The following GLT1D1 variants were observed in gnomAD, a reference collection of about 807,000 sequenced individuals.
GLT1D1 encodes the protein glycosyltransferase 1 domain containing 1.
GLT1D1 carries 21 observed loss-of-function variants against 28.7 expected under a neutral mutation model. That is an observed-to-expected ratio of 0.73 (90% CI 0.52 to 1.05). GLT1D1 has a LOEUF of 1.05. GLT1D1 is among the 50% of genes least tolerant of loss of function. The probability of loss-of-function intolerance (pLI) is 0.00; values close to 1 mark genes in which losing one functional copy is unlikely to be tolerated. For synonymous variants in GLT1D1, 147 were observed against 124.8 expected, an observed-to-expected ratio of 1.18 and a Z score of -1.19; for missense variants, 343 against 330.6, an observed-to-expected ratio of 1.04 and a Z score of -0.29.
chr12:128,930,007 C>A lies in GLT1D1; in HGVS notation c.376-15319C>A, dbSNP rs111889880. ...AACAAACAAATAAAAACATCAAGGG[C>A]TAGAATCTGTGTGACCACATTGAAT... On this transcript the variant is annotated intron_variant, in intron 4 of 7. Coordinates refer to ENST00000281703, the MANE Select transcript of GLT1D1 (RefSeq NM_144669.3). 5.0e-3 allele frequency among the ~76,000 whole-genome samples: 757 copies of A among 152,170 alleles called. 3 individuals are homozygous for A. Among genetic ancestry groups the A allele is most frequent in the African/African-American group, 0.017 (712 of 41,506 alleles).
intron 2 of GLT1D1, among the ~76,000 whole-genome samples, chr12:128,888,282 C>G (rs1868624445): frequency 6.6e-6 from 1 of 152,094 alleles, no homozygotes; most frequent in Non-Finnish European, 1.5e-5. Flanking sequence ...TTGGAGAGCC[C>G]TTTTTTTGTC....
intron 7 of GLT1D1, among the ~76,000 whole-genome samples, chr12:128,969,615 C>T (rs1278378633): frequency 6.6e-6 from 1 of 152,206 alleles, no homozygotes; most frequent in Non-Finnish European, 1.5e-5. Context: ...TGGGCCATCA[C>T]CAAGGTGCGG....
At chr12:128,891,688 T>C (rs1869074482) in intron 3 of GLT1D1, among the ~76,000 whole-genome samples, 1 of 152,114 alleles carries the variant, frequency 6.6e-6, no homozygotes, top group Admixed American at 6.6e-5. Context: ...TTTGGTAATG[T>C]AGGTGTCAGT....
At chr12:128,878,187 T>C (rs1322050753) in intron 2 of GLT1D1, among the ~76,000 whole-genome samples, 1 of 152,246 alleles carries the variant, frequency 6.6e-6, no homozygotes, top group East Asian at 1.9e-4. Context: ...TGTACACCCA[T>C]GCATGTATTT....
intron 4 of GLT1D1, among the ~76,000 whole-genome samples, chr12:128,904,697 G>A (rs903687571): frequency 6.8e-6 from 1 of 146,316 alleles, no homozygotes; most frequent in Non-Finnish European, 1.5e-5. Context: ...GCAGTAGTGC[G>A]ATCTCGGCTC....
rs760160532 is a variant in GLT1D1, at chr12:128,957,575, AG to A, written c.573del (p.Asn192ThrfsTer9). Reference sequence around the variant, plus strand: ...GGATTTAGAAGTACCGGTATTGGCCAGGAACATCCCCGGGAATGCTGCCGTG... The same window carrying A: ...GGATTTAGAAGTACCGGTATTGGCCAGAACATCCCCGGGAATGCTGCCGTG... On this transcript the variant is annotated frameshift_variant, in exon 7 of 8. Coordinates refer to ENST00000281703, the MANE Select transcript of GLT1D1 (RefSeq NM_144669.3). LOFTEE classifies it high-confidence loss of function. 99 of 1,613,736 alleles carry A rather than the reference AG, an allele frequency of 6.1e-5. No homozygotes were observed. The highest frequency in any genetic ancestry group is 1.6e-4 in the Middle Eastern group (1 of 6,082).
chr12:128,895,602 A>T (rs1279362593), intron 3 of GLT1D1, among the ~76,000 whole-genome samples: 1 of 151,950 alleles, frequency 6.6e-6, no homozygotes, highest in Non-Finnish European at 1.5e-5. Flanking sequence ...GATTACAGGC[A>T]TGCACCACCA....
At chr12:128,976,200 TG>T (rs1879746284) in intron 7 of GLT1D1, among the ~76,000 whole-genome samples, 1 of 152,196 alleles carries the variant, frequency 6.6e-6, no homozygotes, top group African/African-American at 2.4e-5. Context: ...AAATAATTTT[TG>T]GAAAATGAGG....
chr12:128,911,831 G>A (rs1028076677), intron 4 of GLT1D1, among the ~76,000 whole-genome samples: 9 of 151,992 alleles, frequency 5.9e-5, no homozygotes, highest in Non-Finnish European at 1.3e-4. Flanking sequence ...TGCAAGGGCC[G>A]CCTTTTGCTT....
rs73153403 is a variant in GLT1D1 at position 128,861,810 on chromosome 12, C to T, written c.68+8161C>T. Reference sequence around the variant, plus strand: ...AAGGCAGTACTTTCCCTTCCAGGCCCGGCTACTTTCTGGCCGCATCATTCT... The same window carrying T: ...AAGGCAGTACTTTCCCTTCCAGGCCTGGCTACTTTCTGGCCGCATCATTCT... On this transcript the variant is annotated intron_variant, in intron 1 of 7. Coordinates refer to ENST00000281703, the MANE Select transcript of GLT1D1 (RefSeq NM_144669.3). Among the ~76,000 whole-genome samples the T allele has an allele frequency of 1.6e-3, 241 of 152,176 alleles. 1 individual carries two copies. Among genetic ancestry groups the T allele is most frequent in the Middle Eastern group, 6.8e-3 (2 of 294 alleles).
chr12:128,894,692 A>G (rs1462293237), intron 3 of GLT1D1, among the ~76,000 whole-genome samples: 2 of 150,670 alleles, frequency 1.3e-5, no homozygotes, highest in South Asian at 2.1e-4. Flanking sequence ...AAAAATACAG[A>G]AAAAAAAATT....
intron 4 of GLT1D1, among the ~76,000 whole-genome samples, chr12:128,908,382 CTCTT>C (rs1204621596): frequency 2.4e-5 from 1 of 40,964 alleles, no homozygotes; most frequent in African/African-American, 7.8e-5. Context: ...TCTTTTCTTT[CTCTT>C]TCTTTCTCTC....
chr12:128,940,359 C>T (rs1262451171), intron 4 of GLT1D1, among the ~76,000 whole-genome samples: 1 of 152,176 alleles, frequency 6.6e-6, no homozygotes, highest in Non-Finnish European at 1.5e-5. Flanking sequence ...CTCAGCGCTT[C>T]ATGTCTTCTC....
At chr12:128,946,386 G>A (rs534113782) in intron 5 of GLT1D1, among the ~76,000 whole-genome samples, 17 of 151,958 alleles carry the variant, frequency 1.1e-4, no homozygotes, top group East Asian at 3.9e-4. Context: ...TCGCTCTGTC[G>A]CTCAGGCTGG....
chr12:128,853,899 TGAGCAGGTGAACAGGCCCG>T (rs1956137694), intron 1 of GLT1D1, among the ~76,000 whole-genome samples: 1 of 152,126 alleles, frequency 6.6e-6, no homozygotes, highest in East Asian at 1.9e-4. Flanking sequence ...CGGAGGGGAC[TGAGCAGGTGAACAGGCCCG>T]GAGCCTGTCG....
intron 3 of GLT1D1, among the ~76,000 whole-genome samples, chr12:128,893,154 A>G (rs1869253297): frequency 6.6e-6 from 1 of 152,168 alleles, no homozygotes. Context: ...CTGAGGCAAG[A>G]GAATCGCTTG....
chr12:128,916,674 G>A (rs1872144023), intron 4 of GLT1D1, among the ~76,000 whole-genome samples: 1 of 152,094 alleles, frequency 6.6e-6, no homozygotes, highest in Admixed American at 6.6e-5. Context: ...TGAGTGTCTA[G>A]CCAATTGTGT....
At chr12:128,973,950 T>G (rs762707152) in intron 7 of GLT1D1, among the ~76,000 whole-genome samples, 2,650 of 106,992 alleles carry the variant, frequency 0.025, 119 homozygotes, top group African/African-American at 0.081. Context: ...TGTGTGTGTG[T>G]GGGGGGGGCG....
chr12:128,974,371 G>A (rs867755777), intron 7 of GLT1D1, among the ~76,000 whole-genome samples: 12 of 152,154 alleles, frequency 7.9e-5, no homozygotes, highest in African/African-American at 1.9e-4. Flanking sequence ...ACCCTGCATC[G>A]TGCATTTCAT....
Sources: gnomAD v4.1 joint callset for allele counts (sites outside exome capture counted in the v4.1 genomes callset) on GRCh38, gnomAD v4.1.1 for gene constraint, MANE v1.5 for transcripts, NCBI Gene and HGNC (gene_info 2026-07-23, HGNC 2026-07-21) for gene names.